PDGFC: variants seen among roughly 807,000 people sequenced by gnomAD.
PDGFC encodes platelet derived growth factor C, also known as platelet-derived growth factor C.
PDGFC carries 12 observed loss-of-function variants against 35.5 expected under a neutral mutation model. The ratio of observed to expected loss-of-function variants is 0.34; its 90% CI spans 0.22 to 0.55. The LOEUF is 0.55. PDGFC is among the 20% of genes least tolerant of loss of function. The probability of loss-of-function intolerance (pLI) is 0.91; values close to 1 mark genes in which losing one functional copy is unlikely to be tolerated. For synonymous variants in PDGFC, 159 were observed against 148.8 expected (o/e 1.07, Z -0.50); for missense variants, 322 against 412.4 (o/e 0.78, Z 1.90).
Position 156,763,224 on chromosome 4 carries a change from TA to T in PDGFC, c.922-19del. ...TGAAGGACCTGAAAGGGAATAAGAG[TA>T]AGCCACTTTTAAAAATCAACGAATG... is the stretch of plus-strand genomic sequence containing the variant. On this transcript the variant is annotated intron_variant, in intron 5 of 5. Transcript: ENST00000502773. 1.6e-6 allele frequency: 2 copies of T among 1,270,932 alleles called. No individual in the cohort carries two copies. The highest frequency in any genetic ancestry group is 2.3e-6 in the Non-Finnish European group (2 of 866,636). 78.7% of individuals were successfully genotyped at this position (1,270,932 alleles called of 1,614,324 possible).
In PDGFC at chr4:156,901,709, G is replaced by A. The variant is rs1354593641; in HGVS notation, c.119-51293C>T. ...ACGATCTCAGCTCACTGCAACCTCC[G>A]CCTCCTGGGGTCAGGTGATTCTCGT... On this transcript the variant is annotated intron_variant, in intron 1 of 5. Transcript: ENST00000502773. Among the ~76,000 whole-genome samples the A allele has an allele frequency of 4.6e-5, 7 of 152,058 alleles. No homozygotes were observed. The South Asian group carries it at 1.2e-3, about 27-fold the overall frequency.
intron 1 of PDGFC, among the ~76,000 whole-genome samples, chr4:156,889,082 G>A (rs1457318001): frequency 6.6e-6 from 1 of 152,100 alleles, no homozygotes; most frequent in Non-Finnish European, 1.5e-5. Flanking sequence ...CATTATTCTG[G>A]ATGATTACAA....
chr4:156,826,739 T>G (rs1176414458), intron 2 of PDGFC, among the ~76,000 whole-genome samples: 2 of 152,144 alleles, frequency 1.3e-5, no homozygotes, highest in Non-Finnish European at 1.5e-5. Flanking sequence ...TGAAAAGGAT[T>G]AAAGGCCTAT....
chr4:156,953,388 G>C (rs1461859059), intron 1 of PDGFC, among the ~76,000 whole-genome samples: 1 of 151,964 alleles, frequency 6.6e-6, no homozygotes, highest in Non-Finnish European at 1.5e-5. Context: ...AAAGGGATCA[G>C]AAGGAGTCTG....
intron 1 of PDGFC, among the ~76,000 whole-genome samples, chr4:156,868,000 C>T (rs1729886105): frequency 6.6e-6 from 1 of 152,074 alleles, no homozygotes; most frequent in Non-Finnish European, 1.5e-5. Context: ...GCCTCAGCCT[C>T]CCCAGTAGCT....
At chr4:156,838,209 G>T (rs1265047251) in intron 2 of PDGFC, among the ~76,000 whole-genome samples, 1 of 152,146 alleles carries the variant, frequency 6.6e-6, no homozygotes, top group Admixed American at 6.5e-5. Context: ...AGCAGAGATG[G>T]TTATTTTTGT....
At chr4:156,890,440 C>T (rs751868489) in intron 1 of PDGFC, among the ~76,000 whole-genome samples, 1 of 152,096 alleles carries the variant, frequency 6.6e-6, no homozygotes, top group Non-Finnish European at 1.5e-5. Context: ...CACGCGCTGC[C>T]GTCTCTGTTT....
chr4:156,764,799 G>T (rs1293135118), intron 5 of PDGFC, among the ~76,000 whole-genome samples: 1 of 151,988 alleles, frequency 6.6e-6, no homozygotes, highest in Non-Finnish European at 1.5e-5. Flanking sequence ...TCAGATATTG[G>T]CACTATTCCT....
intron 1 of PDGFC, among the ~76,000 whole-genome samples, chr4:156,935,953 G>A (rs1024612532): frequency 1.3e-5 from 2 of 152,150 alleles, no homozygotes; most frequent in Non-Finnish European, 2.9e-5. Flanking sequence ...CTATTTAGGG[G>A]TCATAGACAG....
intron 1 of PDGFC, among the ~76,000 whole-genome samples, chr4:156,918,371 T>C (rs191209028): frequency 1.3e-5 from 2 of 152,330 alleles, no homozygotes; most frequent in Admixed American, 1.3e-4. Context: ...GTGAAAAAGC[T>C]TACACAATCT....
intron 1 of PDGFC, among the ~76,000 whole-genome samples, chr4:156,966,709 T>C (rs1024758263): frequency 7.2e-5 from 11 of 152,142 alleles, no homozygotes; most frequent in Non-Finnish European, 1.2e-4. Flanking sequence ...CTAGAGGTCG[T>C]AGAAGAGATG....
chr4:156,833,259 G>A (rs929865502), intron 2 of PDGFC, among the ~76,000 whole-genome samples: 3 of 152,166 alleles, frequency 2.0e-5, no homozygotes, highest in Non-Finnish European at 2.9e-5. Context: ...TAGTTAAAAG[G>A]TTCGCTGAGG....
At chr4:156,848,402 T>C (rs997084775) in intron 2 of PDGFC, among the ~76,000 whole-genome samples, 4 of 151,882 alleles carry the variant, frequency 2.6e-5, no homozygotes, top group African/African-American at 9.7e-5. Context: ...ACTGAAACCA[T>C]TGTCAGAAAG....
At chr4:156,860,980 A>G (rs1032353517) in intron 1 of PDGFC, among the ~76,000 whole-genome samples, 1 of 152,184 alleles carries the variant, frequency 6.6e-6, no homozygotes, top group Non-Finnish European at 1.5e-5. Flanking sequence ...ATAATTATAA[A>G]CAGACAATGA....
chr4:156,792,055 T>C (rs1731312853), intron 3 of PDGFC, among the ~76,000 whole-genome samples: 1 of 152,160 alleles, frequency 6.6e-6, no homozygotes, highest in African/African-American at 2.4e-5. Flanking sequence ...ATGGTTAACA[T>C]CTGTAAAAAA....
At chr4:156,919,497 A>G (rs1010780893) in intron 1 of PDGFC, among the ~76,000 whole-genome samples, 9 of 3,356 alleles carry the variant, frequency 2.7e-3, no homozygotes, top group Non-Finnish European at 0.015. Context: ...ATTTTTTCCT[A>G]TTTATTTCAT....
intron 1 of PDGFC, among the ~76,000 whole-genome samples, chr4:156,940,072 T>C (rs2110904018): frequency 6.6e-6 from 1 of 152,244 alleles, no homozygotes; most frequent in African/African-American, 2.4e-5. Flanking sequence ...TATGAAAGCG[T>C]TTAATTGCTC....
intron 1 of PDGFC, among the ~76,000 whole-genome samples, chr4:156,928,565 G>A (rs1731472670): frequency 6.6e-6 from 1 of 152,176 alleles, no homozygotes; most frequent in Non-Finnish European, 1.5e-5. Flanking sequence ...AAGAATGGCT[G>A]AGGCCTGAAT....
intron 1 of PDGFC, among the ~76,000 whole-genome samples, chr4:156,904,925 A>G (rs1270282448): frequency 6.6e-6 from 1 of 152,148 alleles, no homozygotes; most frequent in East Asian, 1.9e-4. Context: ...ATATTTGCCC[A>G]ATAAATATTT....
Sources: allele counts gnomAD v4.1 joint callset (sites outside exome capture counted in the v4.1 genomes callset), GRCh38; gene constraint gnomAD v4.1.1; transcripts MANE v1.5; gene names NCBI Gene and HGNC (gene_info 2026-07-23, HGNC 2026-07-21).